Variants in GOLGA3 observed in about 807,000 individuals in gnomAD.
GOLGA3 encodes golgin subfamily A member 3.
In GOLGA3, 75 loss-of-function variants were observed where a neutral mutation model predicts 169.4. The observed-to-expected ratio is 0.44, with a 90% CI of 0.37 to 0.54. The LOEUF is 0.54. Ranked by LOEUF, GOLGA3 falls within the 20% of genes least tolerant of loss-of-function variation. The pLI, the probability that GOLGA3 is intolerant of heterozygous loss-of-function variation, is 0.00. For synonymous variants in GOLGA3, 824 were observed against 822.4 expected, an observed-to-expected ratio of 1.00 and a Z score of -0.03; for missense variants, 1,899 against 1,930.0, an observed-to-expected ratio of 0.98 and a Z score of 0.30.
chr12:132,811,481 T>A (rs1566130770), intron 4 of GOLGA3, among the ~76,000 whole-genome samples: 1 of 152,074 alleles, frequency 6.6e-6, no homozygotes, highest in East Asian at 1.9e-4. Flanking sequence ...CTTGCATTTT[T>A]ATTTTTTTTT....
intron 21 of GOLGA3, among the ~76,000 whole-genome samples, chr12:132,775,740 G>A (rs1378008667): frequency 1.3e-5 from 2 of 151,264 alleles, no homozygotes; most frequent in Non-Finnish European, 3.0e-5. Flanking sequence ...GATGATGGAC[G>A]CTTGTCGGCC....
In GOLGA3 at chr12:132,800,784, C is replaced by A. The variant is rs185311765; in HGVS notation, c.1800+983G>T. ...GGCCAGCCTGGGCAACATGGCAAAA[C>A]CTTGTCTCTACAAAAAGTACAAAAC... On this transcript the variant is annotated intron_variant, in intron 8 of 23. Transcript: ENST00000450791. Among the ~76,000 whole-genome samples the A allele has an allele frequency of 2.1e-3, 317 of 152,156 alleles. 2 individuals are homozygous for A. Among genetic ancestry groups the A allele is most frequent in the Middle Eastern group, 0.014 (4 of 294 alleles).
At chr12:132,791,357 A>C (rs893204138) in intron 11 of GOLGA3, 64 bp from the exon 12 acceptor site, 19 of 879,476 alleles carry the variant, frequency 2.2e-5, no homozygotes, top group Non-Finnish European at 3.5e-5. Context: ...GTCTGCACAG[A>C]TGTTACACTG....
chr12:132,774,092 C>A (rs2045073555), intron 23 of GOLGA3, 65 bp downstream of exon 23: 1 of 1,447,918 alleles, frequency 6.9e-7, no homozygotes, highest in Admixed American at 2.2e-5. Context: ...CCAGGAGTGC[C>A]CTCCCAGGTA....
At chr12:132,827,168 G>C (rs893537992) in intron 1 of GOLGA3, among the ~76,000 whole-genome samples, 1 of 152,186 alleles carries the variant, frequency 6.6e-6, no homozygotes, top group African/African-American at 2.4e-5. Context: ...CGTTTCACCT[G>C]TTCCTATCGG....
rs377701441 is a variant in GOLGA3, at chr12:132,816,788, G to A, written c.158C>T (p.Thr53Met). 39 of 1,603,490 alleles carry A rather than the reference G, an allele frequency of 2.4e-5. 1 individual carries two copies. Among genetic ancestry groups the A allele is most frequent in the Middle Eastern group, 1.7e-4 (1 of 6,026 alleles). ...VQCAEVNRAS[T>M]EGESPDGPGQ... ...AGGTCCATCCGGGCTTTCCCCTTCC[G>A]TGGATGCTCTGTTTACCTCGGCACC... Residue 53 changes from threonine to methionine, a missense_variant, in exon 3 of 24, where the codon ACG becomes ATG. Thr to Met is a moderately conservative substitution (Grantham distance 81, BLOSUM62 -1). Transcript: ENST00000450791.
At chr12:132,773,432 G>GTTGCA in intron 23 of GOLGA3, 138 bp from the exon 24 acceptor site, 1 of 451,692 alleles carries the variant, frequency 2.2e-6, no homozygotes, top group Non-Finnish European at 3.9e-6. Flanking sequence ...TGAGACCACA[G>GTTGCA]AAGCTCAGCT....
Position 132,771,413 on chromosome 12 carries a change from T to G in GOLGA3, c.*1692A>C, listed in dbSNP as rs537173378. On this transcript the variant is annotated 3_prime_UTR_variant, in exon 24 of 24. Transcript: ENST00000450791. ...TCTCTCCTAACTCATATAATAAATA[T>G]TATTTTAGATTTTCTTAGCAAACTA... 2.6e-5 allele frequency: 4 copies of G among 152,224 alleles called. No homozygotes were observed. In the East Asian group the frequency reaches 7.7e-4, roughly 29 times the overall value. 9.4% of individuals were successfully genotyped at this position (152,224 alleles called of 1,614,324 possible).
rs1295885016 is a variant in GOLGA3 at position 132,789,306 on chromosome 12, G to A, written c.2548-16C>T. On this transcript the variant is annotated splice_polypyrimidine_tract_variant and intron_variant, in intron 12 of 23. Transcript: ENST00000450791. ...CCACCATCACCTGCCAAAGACAGAG[G>A]CTGTGAGCGGACGCTGGGCGGCGGG... is the stretch of plus-strand genomic sequence containing the variant. 1 of 1,560,494 alleles carries A rather than the reference G, an allele frequency of 6.4e-7. No homozygotes were observed. Among genetic ancestry groups the A allele is most frequent in the South Asian group, 1.2e-5 (1 of 86,544 alleles).
chr12:132,781,215 G>A (rs1000571957), intron 17 of GOLGA3, among the ~76,000 whole-genome samples: 3 of 71,340 alleles, frequency 4.2e-5, no homozygotes, highest in African/African-American at 1.7e-4. Flanking sequence ...CCACCGCAGT[G>A]CCCTCCACCG....
chr12:132,814,102 A>G (rs76490224), intron 3 of GOLGA3, among the ~76,000 whole-genome samples: 5 of 139,470 alleles, frequency 3.6e-5, no homozygotes, highest in African/African-American at 8.2e-5. Flanking sequence ...TCGGCTCACC[A>G]CAACCTCTGC....
rs763910031 is a variant in GOLGA3 at position 132,822,031 on chromosome 12, G to A, written c.98C>T (p.Pro33Leu). 1 of 1,609,346 alleles carries A rather than the reference G, an allele frequency of 6.2e-7. No individual in the cohort carries two copies. Residue 33 changes from proline (P) to leucine (L), a missense_variant, in exon 2 of 24, where the codon CCA becomes CTA. Physicochemically the swap from Pro to Leu is moderately conservative, Grantham distance 98 (BLOSUM62 -3). Transcript: ENST00000450791. Reference sequence around the variant, plus strand: ...GTCCTGCTGGTCAGGTGGCACCAGTGGGCCCGGGGGCTTCAGTGGGGCCTC... The same window carrying A: ...GTCCTGCTGGTCAGGTGGCACCAGTAGGCCCGGGGGCTTCAGTGGGGCCTC... ...LPEAPLKPPG[P>L]LVPPDQQDKV...
intron 3 of GOLGA3, 83 bp downstream of exon 3, chr12:132,816,457 A>G: frequency 7.2e-7 from 1 of 1,391,662 alleles, no homozygotes. Flanking sequence ...CAGCTCAGAC[A>G]GTGAGTGCGC....
chr12:132,809,454 TCCCGGTC>T (rs1414109014), intron 4 of GOLGA3, among the ~76,000 whole-genome samples: 1 of 73,900 alleles, frequency 1.4e-5, no homozygotes, highest in East Asian at 3.4e-4. Flanking sequence ...GCCCCCCGGT[TCCCGGTC>T]TGCTAAGTAG....
rs537871654 is a variant in GOLGA3 at position 132,818,640 on chromosome 12, AAC to A, written c.134-1830_134-1829del. Among the ~76,000 whole-genome samples, 402 of 152,340 alleles carry A rather than the reference AAC, an allele frequency of 2.6e-3. 1 individual carries two copies. Among genetic ancestry groups the A allele is most frequent in the African/African-American group, 9.4e-3 (390 of 41,574 alleles). ...ACAAGCGAAAACCACAAACACTTAA[AAC>A]ACAGCTGACAATCTTTCTAGCAGGC... On this transcript the variant is annotated intron_variant, in intron 2 of 23. Coordinates refer to ENST00000450791, the MANE Select transcript of GOLGA3 (RefSeq NM_001389683.1).
chr12:132,800,113 TAA>T (rs1196864096), intron 8 of GOLGA3, among the ~76,000 whole-genome samples: 2 of 152,204 alleles, frequency 1.3e-5, no homozygotes, highest in African/African-American at 4.8e-5. Context: ...ACTGCAGCTG[TAA>T]AAAAGTGTAT....
chr12:132,818,346 A>T (rs545531940), intron 2 of GOLGA3, among the ~76,000 whole-genome samples: 110 of 152,266 alleles, frequency 7.2e-4, no homozygotes, highest in African/African-American at 2.5e-3. Context: ...TGCAAGCTCC[A>T]CTCACCAGAT....
chr12:132,800,715 C>A (rs945729120), intron 8 of GOLGA3, among the ~76,000 whole-genome samples: 7 of 152,090 alleles, frequency 4.6e-5, no homozygotes, highest in Non-Finnish European at 7.4e-5. Context: ...AATCCCAACA[C>A]TTTGGGAGGC....
At chr12:132,822,337 A>G in intron 1 of GOLGA3, 26 bp from the exon 2 acceptor site, 3 of 1,218,034 alleles carry the variant, frequency 2.5e-6, no homozygotes, top group Non-Finnish European at 2.1e-6. Context: ...GACAAAATGT[A>G]TTATGAAACT....
Sources: gnomAD v4.1 joint callset for allele counts (sites outside exome capture counted in the v4.1 genomes callset) on GRCh38, gnomAD v4.1.1 for gene constraint, MANE v1.5 for transcripts, NCBI Gene and HGNC (gene_info 2026-07-23, HGNC 2026-07-21) for gene names.